The following NRG3 variants were observed in gnomAD, a reference collection of about 807,000 sequenced individuals.
NRG3 encodes the protein pro-neuregulin-3, membrane-bound isoform.
NRG3 carries 31 observed loss-of-function variants against 66.9 expected under a neutral mutation model. The ratio of observed to expected loss-of-function variants is 0.46; its 90% confidence interval spans 0.35 to 0.63. NRG3 has a LOEUF of 0.63. Ranked by LOEUF, NRG3 falls within the 20% of genes least tolerant of loss-of-function variation. The probability of loss-of-function intolerance (pLI) is 0.00; values close to 1 mark genes in which losing one functional copy is unlikely to be tolerated. For missense variants in NRG3, 910 were observed against 878.9 expected, an observed-to-expected ratio of 1.04 and a Z score of -0.45; for synonymous variants, 393 against 359.4, an observed-to-expected ratio of 1.09 and a Z score of -1.06.
At chr10:82,591,412 A>G (rs1211074322) in intron 2 of NRG3, among the ~76,000 whole-genome samples, 1 of 152,246 alleles carries the variant, frequency 6.6e-6, no homozygotes, top group Non-Finnish European at 1.5e-5. Flanking sequence ...AAACATTCAT[A>G]GTTTTAATGG....
At chr10:82,357,001 C>T (rs1010224307) in intron 1 of NRG3, among the ~76,000 whole-genome samples, 2 of 152,048 alleles carry the variant, frequency 1.3e-5, no homozygotes, top group Admixed American at 1.3e-4. Flanking sequence ...ACAGATAAAA[C>T]AAAGAAAGGA....
At chr10:82,658,583 A>G (rs996421332) in intron 2 of NRG3, among the ~76,000 whole-genome samples, 2 of 152,160 alleles carry the variant, frequency 1.3e-5, no homozygotes, top group Non-Finnish European at 2.9e-5. Flanking sequence ...AGTATGTACT[A>G]ATTGATTCCA....
Position 82,711,318 on chromosome 10 carries a change from C to T in NRG3, c.954-27259C>T, listed in dbSNP as rs1426447450. Among the ~76,000 whole-genome samples, 4 of 152,004 alleles carry T rather than the reference C, an allele frequency of 2.6e-5. No homozygotes were observed. The South Asian group carries it at 8.3e-4, about 31-fold the overall frequency. ...CCCAGGCTGGTCTCAAATTCCTGGC[C>T]TCAAGTTTTCCTCTCACCTTTGCCT... On this transcript the variant is annotated intron_variant, in intron 2 of 8. Transcript: ENST00000372141.
intron 4 of NRG3, among the ~76,000 whole-genome samples, chr10:82,915,329 A>G (rs760522281): frequency 2.8e-4 from 43 of 152,160 alleles, no homozygotes; most frequent in Non-Finnish European, 5.6e-4. Flanking sequence ...ATAACTGCTG[A>G]GCTCTTTACA....
At chr10:82,001,946 A>T (rs1002550160) in intron 1 of NRG3, among the ~76,000 whole-genome samples, 10 of 152,108 alleles carry the variant, frequency 6.6e-5, no homozygotes, top group African/African-American at 2.4e-4. Flanking sequence ...AACTTCAACA[A>T]TCATCCTCCT....
chr10:82,963,659 G>A (rs1358568464), intron 6 of NRG3, among the ~76,000 whole-genome samples: 1 of 152,034 alleles, frequency 6.6e-6, no homozygotes, highest in Non-Finnish European at 1.5e-5. Flanking sequence ...CAGCCTGGGT[G>A]ACAGAGCGAG....
At chr10:82,687,085 C>G (rs1200196860) in intron 2 of NRG3, among the ~76,000 whole-genome samples, 1 of 152,174 alleles carries the variant, frequency 6.6e-6, no homozygotes, top group Non-Finnish European at 1.5e-5. Flanking sequence ...TCATGCCCTC[C>G]GGAGCAACCA....
chr10:82,006,467 AAT>A (rs2061379650), intron 1 of NRG3, among the ~76,000 whole-genome samples: 1 of 152,006 alleles, frequency 6.6e-6, no homozygotes, highest in Admixed American at 6.6e-5. Flanking sequence ...AATATGTTCA[AAT>A]ATGTTTATTT....
intron 8 of NRG3, among the ~76,000 whole-genome samples, chr10:82,979,994 A>G (rs961058490): frequency 1.3e-4 from 20 of 152,032 alleles, no homozygotes; most frequent in African/African-American, 4.3e-4. Context: ...ACTTGAGCTC[A>G]GGAGTTTGAG....
At chr10:82,984,694 G>A in intron 8 of NRG3, 1 of 1,343,910 alleles carries the variant, frequency 7.4e-7, no homozygotes, top group Non-Finnish European at 1.0e-6. Context: ...CGAGTTGATG[G>A]AGTGGACTAA....
intron 1 of NRG3, among the ~76,000 whole-genome samples, chr10:81,989,597 A>G (rs538146457): frequency 8.5e-5 from 13 of 152,318 alleles, no homozygotes; most frequent in African/African-American, 3.1e-4. Flanking sequence ...GTTCATTTAT[A>G]AAGTCATCTG....
chr10:82,606,336 A>T (rs1315641008), intron 2 of NRG3, among the ~76,000 whole-genome samples: 5 of 152,220 alleles, frequency 3.3e-5, no homozygotes, highest in African/African-American at 1.2e-4. Context: ...TTTTCCAGTT[A>T]TCTTTACTGA....
At chr10:82,690,456 C>A (rs919004229) in intron 2 of NRG3, among the ~76,000 whole-genome samples, 3 of 151,968 alleles carry the variant, frequency 2.0e-5, no homozygotes, top group African/African-American at 4.8e-5. Flanking sequence ...GAGAGTGGCT[C>A]TAGTGTGCAT....
intron 2 of NRG3, among the ~76,000 whole-genome samples, chr10:82,413,808 A>C (rs928629780): frequency 2.0e-5 from 3 of 152,018 alleles, no homozygotes; most frequent in African/African-American, 7.2e-5. Flanking sequence ...TCTTTCCTTA[A>C]ACCTCGTGAA....
intron 3 of NRG3, among the ~76,000 whole-genome samples, chr10:82,775,080 C>A (rs967642800): frequency 1.3e-5 from 2 of 151,850 alleles, no homozygotes; most frequent in African/African-American, 4.8e-5. Flanking sequence ...GCTGCCTCAG[C>A]CTCTCAAAGT....
rs59620029 is a variant in NRG3 at position 82,631,588 on chromosome 10, G to GTT, written c.954-106974_954-106973dup. Among the ~76,000 whole-genome samples, 1,081 of 132,316 alleles carry GTT rather than the reference G, an allele frequency of 8.2e-3. 8 individuals carry two copies. The highest frequency in any genetic ancestry group is 0.016 in the Admixed American group (217 of 13,262). The allele number at this position is 132,316 out of a possible 152,430, so 86.8% of individuals were successfully genotyped here. A position where few individuals can be genotyped will look rare whatever the true frequency, so the allele number is the denominator to read the frequency against. Reference sequence around the variant, plus strand: ...GCATCCCCAGATGCCTTCAGCCGTGGTTTTTTTTTTTTTTTTCAGTCTTTG... The same window carrying GTT: ...GCATCCCCAGATGCCTTCAGCCGTGGTTTTTTTTTTTTTTTTTTCAGTCTTTG... On this transcript the variant is annotated intron_variant, in intron 2 of 8. Coordinates refer to ENST00000372141, the MANE Select transcript of NRG3 (RefSeq NM_001010848.4).
intron 1 of NRG3, among the ~76,000 whole-genome samples, chr10:82,338,315 G>A (rs1178851327): frequency 6.6e-6 from 1 of 152,050 alleles, no homozygotes; most frequent in African/African-American, 2.4e-5. Context: ...CCTGTGGAGG[G>A]CTTATTTATC....
chr10:82,869,222 A>T (rs756767580), intron 4 of NRG3, among the ~76,000 whole-genome samples: 1 of 152,162 alleles, frequency 6.6e-6, no homozygotes, highest in Non-Finnish European at 1.5e-5. Flanking sequence ...CTTGATTTTC[A>T]CACAGTTTTA....
intron 1 of NRG3, among the ~76,000 whole-genome samples, chr10:81,928,407 C>G (rs1455554980): frequency 2.0e-5 from 3 of 152,152 alleles, no homozygotes; most frequent in Non-Finnish European, 4.4e-5. Context: ...AGCATTAGGA[C>G]CAACTACATT....
Sources: gnomAD v4.1 joint callset for allele counts (sites outside exome capture counted in the v4.1 genomes callset) on GRCh38, gnomAD v4.1.1 for gene constraint, MANE v1.5 for transcripts, NCBI Gene and HGNC (gene_info 2026-07-23, HGNC 2026-07-21) for gene names.